FGD5: variants seen among roughly 807,000 people sequenced by gnomAD.
The protein encoded by FGD5 is FYVE, RhoGEF and PH domain-containing protein 5.
A neutral mutation model predicts 133.4 loss-of-function variants in FGD5; 28 were observed. The ratio of observed to expected loss-of-function variants is 0.21; its 90% CI spans 0.16 to 0.29. The LOEUF is 0.29. Ranked by LOEUF, FGD5 falls within the 10% of genes least tolerant of loss-of-function variation. FGD5 has a pLI of 1.00. For synonymous variants in FGD5, 810 were observed against 776.5 expected (o/e 1.04, Z -0.72); for missense variants, 1,858 against 1,895.2 (o/e 0.98, Z 0.36).
chr3:14,921,981 G>C lies in FGD5; in HGVS notation c.3633G>C (p.Lys1211Asn), dbSNP rs1360841698. 1.9e-6 allele frequency: 3 copies of C among 1,569,804 alleles called. No individual in the cohort carries two copies. Among genetic ancestry groups the C allele is most frequent in the Non-Finnish European group, 2.6e-6 (3 of 1,157,364 alleles). ...CLSRALPEDYKAQALAAFHHS... is the reference protein window; with the variant it reads ...CLSRALPEDYNAQALAAFHHS... ...GCAGAGCCCTCCCTGAGGACTACAA[G>C]GCCCAGGCGCTGGCTGCATTCCACC... The change falls in exon 14 of 20, where the codon AAG becomes AAC. Residue 1211 changes from lysine to asparagine, a missense_variant. Around this residue, in one of 3 missense-constraint regions of FGD5, gnomAD observed 1,824 missense variants for 1,848.9 expected, o/e 0.99. Transcript: ENST00000285046.
intron 12 of FGD5, among the ~76,000 whole-genome samples, chr3:14,918,353 C>T (rs1394317934): frequency 6.6e-6 from 1 of 152,184 alleles, no homozygotes; most frequent in Non-Finnish European, 1.5e-5. Context: ...CCTGTAGGCT[C>T]TTTACCATGG....
At chr3:14,856,067 G>A (rs1247639377) in intron 1 of FGD5, among the ~76,000 whole-genome samples, 1 of 151,974 alleles carries the variant, frequency 6.6e-6, no homozygotes, top group Admixed American at 6.6e-5. Flanking sequence ...AGCATGAGAG[G>A]TAAGGATCTA....
At chr3:14,921,706 G>A (rs1037972161) in intron 13 of FGD5, among the ~76,000 whole-genome samples, 2 of 152,222 alleles carry the variant, frequency 1.3e-5, no homozygotes, top group African/African-American at 4.8e-5. Context: ...CATTATTCCA[G>A]TGTAAGAAGA....
In FGD5 at chr3:14,877,295, G is replaced by A. The variant is rs1259735942; in HGVS notation, c.2659-3277G>A. Among the ~76,000 whole-genome samples, 10 of 152,346 alleles carry A rather than the reference G, an allele frequency of 6.6e-5. No individual in the cohort carries two copies. In the East Asian group the frequency reaches 1.7e-3, roughly 26 times the overall value. On this transcript the variant is annotated intron_variant, in intron 2 of 19. Transcript: ENST00000285046. The stretch of plus-strand genomic sequence containing the variant: ...GCCTGGCGAAGACACATCCATCATC[G>A]CAGAGTCACTGAAGCAGGACTGCCC...
intron 7 of FGD5, among the ~76,000 whole-genome samples, chr3:14,900,071 ACTCGG>A (rs2125134259): frequency 6.6e-6 from 1 of 152,154 alleles, no homozygotes; most frequent in South Asian, 2.1e-4. Flanking sequence ...CACACAACAC[ACTCGG>A]CTGTGCTGAT....
intron 10 of FGD5, among the ~76,000 whole-genome samples, chr3:14,909,436 AAAG>A (rs1261861924): frequency 5.3e-5 from 8 of 152,274 alleles, no homozygotes; most frequent in African/African-American, 1.7e-4. Flanking sequence ...TATTCATAAA[AAAG>A]AAGGTCAAAC....
At chr3:14,870,560 T>G (rs1019420727) in intron 2 of FGD5, among the ~76,000 whole-genome samples, 1 of 152,196 alleles carries the variant, frequency 6.6e-6, no homozygotes, top group Non-Finnish European at 1.5e-5. Context: ...CTCCTTCGTT[T>G]CTGACTGTGC....
chr3:14,879,409 T>C (rs771975686), intron 2 of FGD5, among the ~76,000 whole-genome samples: 17 of 152,258 alleles, frequency 1.1e-4, no homozygotes, highest in Non-Finnish European at 2.4e-4. Flanking sequence ...AGCCTGCTTG[T>C]GGCAGAAGGC....
At chr3:14,883,414 C>A (rs1212224953) in intron 4 of FGD5, among the ~76,000 whole-genome samples, 2 of 152,188 alleles carry the variant, frequency 1.3e-5, no homozygotes, top group African/African-American at 4.8e-5. Context: ...ACCCGTCCAC[C>A]TAGCCAGCCA....
At chr3:14,848,619 G>A (rs780187098) in intron 1 of FGD5, among the ~76,000 whole-genome samples, 1 of 152,044 alleles carries the variant, frequency 6.6e-6, no homozygotes, top group Non-Finnish European at 1.5e-5. Flanking sequence ...TAAGAAATGG[G>A]CTCTATGTTG....
intron 1 of FGD5, among the ~76,000 whole-genome samples, chr3:14,853,976 G>A (rs769769647): frequency 2.0e-5 from 3 of 151,926 alleles, no homozygotes; most frequent in African/African-American, 7.3e-5. Context: ...GGGAGACTAG[G>A]CGGGGGGTTT....
chr3:14,884,845 G>A (rs1442026497), intron 4 of FGD5, among the ~76,000 whole-genome samples: 4 of 152,118 alleles, frequency 2.6e-5, no homozygotes, highest in East Asian at 1.9e-4. Context: ...ACAGCAAACT[G>A]TTTATCATGA....
Position 14,917,105 on chromosome 3 carries a change from G to A in FGD5, c.3406-144G>A. On this transcript the variant is annotated intron_variant, in intron 11 of 19. Transcript: ENST00000285046. This position sits in a 1 kb window ranked among gnomAD's most constrained non-coding sequence, Gnocchi z 4.1. ...TGGCAAGGAAGGGGCTCACATTTTG[G>A]CCGCAACGTTTTTGCTCACCTGTGG... is the stretch of plus-strand genomic sequence containing the variant. 5.0e-6 allele frequency: 3 copies of A among 602,414 alleles called. No individual in the cohort carries two copies. The highest frequency in any genetic ancestry group is 8.5e-6 in the Non-Finnish European group (3 of 352,490). The allele number at this position is 602,414 out of a possible 1,614,324, so 37.3% of individuals were successfully genotyped here. A position where few individuals can be genotyped will look rare whatever the true frequency, so the allele number is the denominator to read the frequency against.
chr3:14,885,607 C>T (rs1424835570), intron 4 of FGD5, among the ~76,000 whole-genome samples: 1 of 152,186 alleles, frequency 6.6e-6, no homozygotes, highest in Non-Finnish European at 1.5e-5. Context: ...GGAGGTTGGC[C>T]AGAACACTTA....
intron 9 of FGD5, 37 bp downstream of exon 9, chr3:14,901,098 G>A (rs2038230924): frequency 1.2e-6 from 2 of 1,611,742 alleles, no homozygotes; most frequent in Non-Finnish European, 1.7e-6. Flanking sequence ...CTCAGACACA[G>A]GTTCCAGGCA....
At chr3:14,904,943 C>T (rs925867264) in intron 9 of FGD5, among the ~76,000 whole-genome samples, 1 of 152,168 alleles carries the variant, frequency 6.6e-6, no homozygotes, top group African/African-American at 2.4e-5. Context: ...CATGAGCCAC[C>T]ATGGCTGGCC....
intron 2 of FGD5, 25 bp from the exon 3 acceptor site, chr3:14,880,547 C>G: frequency 6.2e-7 from 1 of 1,612,032 alleles, no homozygotes; most frequent in Non-Finnish European, 8.5e-7. Flanking sequence ...CCTGTCCCAC[C>G]TGATTGCTCT....
intron 11 of FGD5, among the ~76,000 whole-genome samples, chr3:14,915,553 C>A (rs72494942): frequency 0.073 from 11,095 of 151,974 alleles, 557 homozygotes; most frequent in South Asian, 0.18. Flanking sequence ...CATGTTGGCA[C>A]CATGTGTAGA....
At chr3:14,831,481 C>T (rs901141265) in intron 1 of FGD5, among the ~76,000 whole-genome samples, 5 of 152,114 alleles carry the variant, frequency 3.3e-5, no homozygotes, top group Non-Finnish European at 7.4e-5. Flanking sequence ...GGCTGGGTCT[C>T]AGGCTGCTCT....
Sources: gnomAD v4.1 joint callset for allele counts (sites outside exome capture counted in the v4.1 genomes callset) on GRCh38, gnomAD v4.1.1 for gene constraint, gnomAD v4.1.1 regional missense constraint, Gnocchi (gnomAD v3.1) non-coding constraint, MANE v1.5 for transcripts, NCBI Gene and HGNC (gene_info 2026-07-23, HGNC 2026-07-21) for gene names.